The following CCDC85A variants were observed in gnomAD, a reference collection of about 807,000 sequenced individuals.
CCDC85A encodes the protein coiled-coil domain-containing protein 85A.
A neutral mutation model predicts 50.2 loss-of-function variants in CCDC85A; 38 were observed. The observed-to-expected ratio is 0.76, with a 90% CI of 0.58 to 0.99. The LOEUF is 0.99. Among genes scored for constraint, CCDC85A ranks in the 50% least tolerant of loss-of-function variants. The pLI is 0.00. For synonymous variants in CCDC85A, 366 were observed against 301.4 expected (o/e 1.21, Z -2.22); for missense variants, 820 against 742.0 (o/e 1.11, Z -1.22).
At chr2:56,257,799 C>A (rs1470328627) in intron 2 of CCDC85A, among the ~76,000 whole-genome samples, 1 of 152,050 alleles carries the variant, frequency 6.6e-6, no homozygotes, top group East Asian at 1.9e-4. Context: ...AGGATCTGAA[C>A]AAGGAGAGGC....
chr2:56,192,387 C>T lies in CCDC85A; in HGVS notation c.277-90C>T. On this transcript the variant is annotated intron_variant, in intron 1 of 5. Coordinates refer to ENST00000407595, the MANE Select transcript of CCDC85A (RefSeq NM_001080433.2). This position sits in a 1 kb window ranked among gnomAD's most constrained non-coding sequence, Gnocchi z 4.7. ...CTCCCCTAACCTCACAGGTAATTCA[C>T]CAGTTACAGGCTCTCCCTTTCCAGG... 1 of 1,511,692 alleles carries T rather than the reference C, an allele frequency of 6.6e-7. No homozygotes were observed. Among genetic ancestry groups the T allele is most frequent in the Non-Finnish European group, 8.8e-7 (1 of 1,130,904 alleles). 93.6% of individuals were successfully genotyped at this position (1,511,692 alleles called of 1,614,324 possible).
intron 4 of CCDC85A, among the ~76,000 whole-genome samples, chr2:56,374,023 G>C (rs1573366488): frequency 6.6e-6 from 1 of 152,152 alleles, no homozygotes; most frequent in Non-Finnish European, 1.5e-5. Flanking sequence ...AGATGTATTA[G>C]GCATTATTGT....
chr2:56,380,633 T>TAAAA (rs778289664), intron 5 of CCDC85A, among the ~76,000 whole-genome samples: 2 of 150,442 alleles, frequency 1.3e-5, no homozygotes, highest in African/African-American at 4.9e-5. Flanking sequence ...AGTAAAAAAA[T>TAAAA]AAATAAATAA....
intron 3 of CCDC85A, among the ~76,000 whole-genome samples, chr2:56,358,523 C>G (rs1558657678): frequency 6.6e-6 from 1 of 152,122 alleles, no homozygotes; most frequent in Non-Finnish European, 1.5e-5. Flanking sequence ...TAGCAAAGAG[C>G]CAGGTAGTAA....
chr2:56,234,844 T>C (rs1275741655), intron 2 of CCDC85A, among the ~76,000 whole-genome samples: 1 of 152,210 alleles, frequency 6.6e-6, no homozygotes, highest in Admixed American at 6.5e-5. Context: ...TATGTTTTAA[T>C]TATTTGTTGA....
At chr2:56,264,102 C>T (rs1032295202) in intron 2 of CCDC85A, among the ~76,000 whole-genome samples, 12 of 152,180 alleles carry the variant, frequency 7.9e-5, no homozygotes, top group Non-Finnish European at 1.6e-4. Flanking sequence ...GCATGTGGCC[C>T]TCAGGCTGTG....
intron 3 of CCDC85A, among the ~76,000 whole-genome samples, chr2:56,365,702 G>A (rs1003982008): frequency 5.3e-5 from 8 of 152,124 alleles, no homozygotes; most frequent in Admixed American, 2.6e-4. Context: ...ATTAGACATC[G>A]TGGAATGACT....
intron 2 of CCDC85A, among the ~76,000 whole-genome samples, chr2:56,339,335 A>G (rs1219772438): frequency 1.3e-5 from 2 of 152,226 alleles, no homozygotes; most frequent in Non-Finnish European, 2.9e-5. Flanking sequence ...AGATGTGGAC[A>G]TGATCTATTG....
intron 2 of CCDC85A, among the ~76,000 whole-genome samples, chr2:56,339,067 C>T (rs1674225652): frequency 6.6e-6 from 1 of 152,152 alleles, no homozygotes; most frequent in South Asian, 2.1e-4. Flanking sequence ...TTCTGGAATG[C>T]CTGTAATCTA....
intron 2 of CCDC85A, among the ~76,000 whole-genome samples, chr2:56,248,367 G>A (rs552409169): frequency 6.6e-6 from 1 of 152,270 alleles, no homozygotes; most frequent in Non-Finnish European, 1.5e-5. Context: ...GTGGAGCGGT[G>A]TACTCAGATG....
chr2:56,317,047 A>T (rs1672953470), intron 2 of CCDC85A, among the ~76,000 whole-genome samples: 1 of 152,090 alleles, frequency 6.6e-6, no homozygotes, highest in African/African-American at 2.4e-5. Context: ...AAATATTGGG[A>T]AATTAACTAA....
At chr2:56,369,613 CAT>C (rs1675975557) in intron 3 of CCDC85A, among the ~76,000 whole-genome samples, 1 of 152,150 alleles carries the variant, frequency 6.6e-6, no homozygotes, top group South Asian at 2.1e-4. Context: ...TAGCTTAAAA[CAT>C]AGGTCACTTC....
rs1676386462 is a variant in CCDC85A, at chr2:56,193,301, A to G, written c.1101A>G (p.Gly367=). The part of the protein sequence containing the change: ...TSPEHLKQHY[G]GSPDHKHGGG... ...CGGAGCACCTCAAACAACATTATGG[A>G]GGGAGCCCTGATCACAAACACGGAG... The change falls in exon 2 of 6, where the codon GGA becomes GGG. Residue 367 remains glycine (G), a synonymous_variant. Coordinates refer to ENST00000407595, the MANE Select transcript of CCDC85A (RefSeq NM_001080433.2). 3 of 1,613,766 alleles carry G rather than the reference A, an allele frequency of 1.9e-6. No individual in the cohort carries two copies. Among genetic ancestry groups the G allele is most frequent in the Middle Eastern group, 1.6e-4 (1 of 6,062 alleles).
chr2:56,369,143 C>T (rs1014607005), intron 3 of CCDC85A, among the ~76,000 whole-genome samples: 4 of 152,016 alleles, frequency 2.6e-5, no homozygotes, highest in African/African-American at 7.2e-5. Flanking sequence ...GGAACAGTAA[C>T]ACTTAATTCA....
Position 56,192,351 on chromosome 2 carries a change from T to G in CCDC85A, c.277-126T>G. The G allele has an allele frequency of 7.4e-7, 1 of 1,353,876 alleles. No individual in the cohort carries two copies. The highest frequency in any genetic ancestry group is 1.0e-6 in the Non-Finnish European group (1 of 997,332). 83.9% of individuals were successfully genotyped at this position (1,353,876 alleles called of 1,614,324 possible). On this transcript the variant is annotated intron_variant, in intron 1 of 5. Transcript: ENST00000407595. The surrounding 1 kb of genome is among the most constrained non-coding windows in gnomAD (Gnocchi z 4.7). ...CTACAAATCTTCAGCTTCCTCCTAC[T>G]CCCTCACCTCCTCCCCTAACCTCAC...
intron 3 of CCDC85A, among the ~76,000 whole-genome samples, chr2:56,358,164 C>T (rs1232097592): frequency 6.6e-6 from 1 of 152,216 alleles, no homozygotes; most frequent in Non-Finnish European, 1.5e-5. Flanking sequence ...ACCTCCACCA[C>T]CATCAGCCAA....
intron 2 of CCDC85A, among the ~76,000 whole-genome samples, chr2:56,245,078 G>A (rs2103975678): frequency 6.6e-6 from 1 of 152,296 alleles, no homozygotes; most frequent in Non-Finnish European, 1.5e-5. Flanking sequence ...CCTGACTGGT[G>A]TCTCACTAGG....
chr2:56,367,115 C>G (rs1226008257), intron 3 of CCDC85A, among the ~76,000 whole-genome samples: 1 of 152,020 alleles, frequency 6.6e-6, no homozygotes, highest in African/African-American at 2.4e-5. Flanking sequence ...CCCCTTCTGC[C>G]AATTGTATTC....
intron 3 of CCDC85A, 80 bp from the exon 4 acceptor site, chr2:56,372,264 C>G: frequency 7.2e-7 from 1 of 1,381,724 alleles, no homozygotes. Context: ...TCTCATTAAG[C>G]TTCATGTTCT....
Sources: gnomAD v4.1 joint callset for allele counts (sites outside exome capture counted in the v4.1 genomes callset) on GRCh38, gnomAD v4.1.1 for gene constraint, Gnocchi (gnomAD v3.1) non-coding constraint, MANE v1.5 for transcripts, NCBI Gene and HGNC (gene_info 2026-07-23, HGNC 2026-07-21) for gene names.